ZFHX3: variants seen among roughly 807,000 people sequenced by gnomAD.
The protein encoded by ZFHX3 is zinc finger homeobox 3.
A neutral mutation model predicts 279.1 loss-of-function variants in ZFHX3; 42 were observed. The observed-to-expected ratio is 0.15, with a 90% CI of 0.12 to 0.19. ZFHX3 has a LOEUF of 0.19. Among genes scored for constraint, ZFHX3 ranks in the 10% least tolerant of loss-of-function variants. The probability of loss-of-function intolerance (pLI) is 1.00; values close to 1 mark genes in which losing one functional copy is unlikely to be tolerated. For missense variants in ZFHX3, 4,981 were observed against 4,754.0 expected (o/e 1.05, Z -1.40); for synonymous variants, 2,293 against 1,957.8 (o/e 1.17, Z -4.52).
chr16:73,132,122 C>A (rs1054102627), intron 6 of ZFHX3, among the ~76,000 whole-genome samples: 9 of 152,028 alleles, frequency 5.9e-5, no homozygotes, highest in African/African-American at 1.2e-4. Flanking sequence ...CCCATCTCTA[C>A]AAAAATTTAA....
intron 7 of ZFHX3, among the ~76,000 whole-genome samples, chr16:72,803,297 A>T (rs1341272789): frequency 6.6e-6 from 1 of 152,024 alleles, no homozygotes; most frequent in Non-Finnish European, 1.5e-5. Flanking sequence ...GCGCCATTGC[A>T]CTCCAGCCTG....
At chr16:73,337,064 A>C (rs1162683112) in intron 3 of ZFHX3, among the ~76,000 whole-genome samples, 1 of 152,108 alleles carries the variant, frequency 6.6e-6, no homozygotes, top group Non-Finnish European at 1.5e-5. Context: ...CATAATTTAC[A>C]ACTTTCCCCT....
chr16:73,022,357 A>C (rs1277072809), intron 1 of ZFHX3, among the ~76,000 whole-genome samples: 2 of 152,160 alleles, frequency 1.3e-5, no homozygotes, highest in African/African-American at 4.8e-5. Flanking sequence ...CAGATGGTGA[A>C]AGGCAGGAGG....
chr16:72,835,008 C>T (rs941799592), intron 4 of ZFHX3, among the ~76,000 whole-genome samples: 37 of 152,104 alleles, frequency 2.4e-4, no homozygotes, highest in Admixed American at 2.2e-3. Context: ...CCCCATAGTG[C>T]CTCAGTGTGA....
At chr16:73,505,615 G>C (rs553512498) in intron 2 of ZFHX3, among the ~76,000 whole-genome samples, 1 of 151,788 alleles carries the variant, frequency 6.6e-6, no homozygotes, top group African/African-American at 2.4e-5. Flanking sequence ...GCAAAGTCAG[G>C]GTAAGAATGA....
chr16:73,513,488 T>C (rs1008298535), intron 2 of ZFHX3, among the ~76,000 whole-genome samples: 2 of 152,180 alleles, frequency 1.3e-5, no homozygotes, highest in African/African-American at 2.4e-5. Flanking sequence ...AGAAAATAAC[T>C]TGGGGCTGGT....
intron 2 of ZFHX3, among the ~76,000 whole-genome samples, chr16:73,589,354 T>C (rs1597014635): frequency 1.4e-5 from 2 of 147,954 alleles, no homozygotes; most frequent in Admixed American, 1.4e-4. Context: ...GATGATCACT[T>C]GAGCCCGAGA....
chr16:73,147,187 T>A (rs1248438978), intron 5 of ZFHX3, among the ~76,000 whole-genome samples: 4 of 152,178 alleles, frequency 2.6e-5, no homozygotes, highest in Non-Finnish European at 5.9e-5. Flanking sequence ...AGGTACTACT[T>A]CTACCTCTTT....
chr16:72,792,600 T>C (rs996138958), intron 9 of ZFHX3, among the ~76,000 whole-genome samples: 18 of 152,124 alleles, frequency 1.2e-4, no homozygotes, highest in African/African-American at 4.1e-4. Context: ...TATAGGTGCA[T>C]ACCACCACAC....
At chr16:73,237,528 CTTT>C (rs886922274) in intron 5 of ZFHX3, among the ~76,000 whole-genome samples, 17 of 84,174 alleles carry the variant, frequency 2.0e-4, no homozygotes, top group Admixed American at 1.0e-3. Flanking sequence ...CAAATGCAGC[CTTT>C]TTTTTTTTTT....
chr16:73,637,112 G>A (rs1483292236), intron 2 of ZFHX3, among the ~76,000 whole-genome samples: 1 of 151,506 alleles, frequency 6.6e-6, no homozygotes, highest in African/African-American at 2.4e-5. Context: ...ATAAGAATTT[G>A]TATAATTTAA....
chr16:73,824,432 G>T (rs1323132375), intron 1 of ZFHX3, among the ~76,000 whole-genome samples: 1 of 134,732 alleles, frequency 7.4e-6, no homozygotes, highest in Non-Finnish European at 1.6e-5. Context: ...TTAAGTTTTA[G>T]GGTACATGTG....
intron 3 of ZFHX3, among the ~76,000 whole-genome samples, chr16:73,386,055 G>A (rs1443466455): frequency 2.0e-5 from 3 of 152,150 alleles, no homozygotes; most frequent in East Asian, 1.9e-4. Flanking sequence ...AGAAACTACC[G>A]AAGGGTAGGT....
At chr16:73,017,051 C>A (rs970992463) in intron 1 of ZFHX3, among the ~76,000 whole-genome samples, 14 of 151,810 alleles carry the variant, frequency 9.2e-5, no homozygotes, top group African/African-American at 3.4e-4. Context: ...TATGGCAAGA[C>A]CTCATCTCTA....
At chr16:73,387,863 A>G (rs2016932475) in intron 3 of ZFHX3, among the ~76,000 whole-genome samples, 1 of 152,026 alleles carries the variant, frequency 6.6e-6, no homozygotes, top group African/African-American at 2.4e-5. Flanking sequence ...GAGATCATGT[A>G]TGACAGTCCT....
intron 7 of ZFHX3, among the ~76,000 whole-genome samples, chr16:73,110,096 C>T (rs1041524004): frequency 1.3e-5 from 2 of 150,828 alleles, no homozygotes; most frequent in African/African-American, 4.9e-5. Context: ...AAAAGCTACT[C>T]AGGAGGCTGA....
intron 3 of ZFHX3, among the ~76,000 whole-genome samples, chr16:72,926,519 G>C (rs1440538323): frequency 6.6e-6 from 1 of 152,206 alleles, no homozygotes; most frequent in Admixed American, 6.5e-5. Context: ...AAATGAGCTG[G>C]AAGTGTCTCT....
intron 2 of ZFHX3, among the ~76,000 whole-genome samples, chr16:73,646,610 G>C (rs2142161059): frequency 6.6e-6 from 1 of 152,184 alleles, no homozygotes; most frequent in African/African-American, 2.4e-5. Context: ...AAATAGAAAA[G>C]GCACTTATCT....
chr16:73,890,069 C>G (rs1353017734), intron 1 of ZFHX3, among the ~76,000 whole-genome samples: 1 of 152,046 alleles, frequency 6.6e-6, no homozygotes, highest in Non-Finnish European at 1.5e-5. Flanking sequence ...TTTGTCTATA[C>G]TCTAGGAAGT....
Sources: gnomAD v4.1 joint callset for allele counts (sites outside exome capture counted in the v4.1 genomes callset) on GRCh38, gnomAD v4.1.1 for gene constraint, MANE v1.5 for transcripts, NCBI Gene and HGNC (gene_info 2026-07-23, HGNC 2026-07-21) for gene names.